MAN1A1: variants seen among roughly 807,000 people sequenced by gnomAD.
The protein encoded by MAN1A1 is mannosidase alpha class 1A member 1.
In MAN1A1, 29 loss-of-function variants were observed where a neutral mutation model predicts 70.8. The observed-to-expected ratio is 0.41, with a 90% CI of 0.31 to 0.56. The LOEUF is 0.56. Among genes scored for constraint, MAN1A1 ranks in the 20% least tolerant of loss-of-function variants. The probability of loss-of-function intolerance (pLI) is 0.29; values close to 1 mark genes in which losing one functional copy is unlikely to be tolerated. For synonymous variants in MAN1A1, 349 were observed against 330.1 expected (o/e 1.06, Z -0.62); for missense variants, 747 against 841.3 (o/e 0.89, Z 1.39).
intron 2 of MAN1A1, among the ~76,000 whole-genome samples, chr6:119,333,412 T>A (rs1209632071): frequency 6.6e-6 from 1 of 152,112 alleles, no homozygotes; most frequent in African/African-American, 2.4e-5. Context: ...TACTGAGTAT[T>A]AAGGTGACTA....
intron 6 of MAN1A1, among the ~76,000 whole-genome samples, chr6:119,217,295 G>T (rs76158833): frequency 0.028 from 4,235 of 152,008 alleles, 90 homozygotes; most frequent in Non-Finnish European, 0.045. Flanking sequence ...GTTTTGTTTT[G>T]TTTTTTAAAT....
At chr6:119,189,949 C>A in intron 9 of MAN1A1, 66 bp from the exon 10 acceptor site, 4 of 1,218,050 alleles carry the variant, frequency 3.3e-6, no homozygotes, top group Admixed American at 4.5e-5. Flanking sequence ...AAAATATGCC[C>A]AACATTAAAA....
chr6:119,280,495 A>T (rs1164258009), intron 5 of MAN1A1, among the ~76,000 whole-genome samples: 1 of 152,224 alleles, frequency 6.6e-6, no homozygotes, highest in Admixed American at 6.5e-5. Context: ...CAGTGCCTCA[A>T]AGCAGGTATT....
In MAN1A1 at chr6:119,349,148, G is replaced by A. The variant is rs1447072280; in HGVS notation, c.-83C>T. 8.0e-7 allele frequency: 1 copy of A among 1,251,604 alleles called. No homozygotes were observed. The highest frequency in any genetic ancestry group is 1.0e-6 in the Non-Finnish European group (1 of 1,000,570). 77.5% of individuals were successfully genotyped at this position (1,251,604 alleles called of 1,614,324 possible). A position where few individuals can be genotyped will look rare whatever the true frequency, so the allele number is the denominator to read the frequency against. On this transcript the variant is annotated 5_prime_UTR_variant, in exon 2 of 13. Transcript: ENST00000368468. ...GCTGGGAGTCCGCGGCTGCGGGGCTGGGTCCTGCGTAGCCAGGCCGCCCGA... is the reference window on the plus strand; with the variant it reads ...GCTGGGAGTCCGCGGCTGCGGGGCTAGGTCCTGCGTAGCCAGGCCGCCCGA...
intron 5 of MAN1A1, among the ~76,000 whole-genome samples, chr6:119,276,523 AGG>A (rs1346897762): frequency 6.6e-6 from 1 of 152,202 alleles, no homozygotes. Context: ...CTAGTCATTC[AGG>A]GCTCAATTCT....
At chr6:119,196,771 C>A (rs1259891298) in intron 8 of MAN1A1, among the ~76,000 whole-genome samples, 1 of 152,118 alleles carries the variant, frequency 6.6e-6, no homozygotes, top group African/African-American at 2.4e-5. Flanking sequence ...CTCTTTGAAA[C>A]AATCCCCCAA....
At chr6:119,224,712 G>T (rs1774457229) in intron 6 of MAN1A1, among the ~76,000 whole-genome samples, 1 of 152,164 alleles carries the variant, frequency 6.6e-6, no homozygotes, top group South Asian at 2.1e-4. Context: ...CTCTGAGTGG[G>T]TCTAGATGCT....
At chr6:119,344,203 T>G (rs1773667969) in intron 2 of MAN1A1, among the ~76,000 whole-genome samples, 1 of 152,226 alleles carries the variant, frequency 6.6e-6, no homozygotes, top group African/African-American at 2.4e-5. Flanking sequence ...TTTAACTAGT[T>G]TCTAAGTCCC....
rs1773117235 is a variant in MAN1A1 at position 119,180,356 on chromosome 6, A to T, written c.1791T>A (p.Ser597Arg). ...GLRDVYLLHE[S>R]YDDVQQSFFL... ...AGAAACTCTGCTGCACATCATCATA[A>T]CTCTCATGAAGAAGGTAAACATCCC... The change falls in exon 12 of 13, where the codon AGT (serine) becomes AGA (arginine). Residue 597 changes from serine (S) to arginine (R), a missense_variant. By Grantham distance (110) the Ser-to-Arg change is moderately radical (BLOSUM62 -1). Coordinates refer to ENST00000368468, the MANE Select transcript of MAN1A1 (RefSeq NM_005907.4). The T allele has an allele frequency of 6.2e-7, 1 of 1,613,782 alleles. No individual in the cohort carries two copies. The highest frequency in any genetic ancestry group is 8.5e-7 in the Non-Finnish European group (1 of 1,179,882).
intron 2 of MAN1A1, among the ~76,000 whole-genome samples, chr6:119,322,188 A>T (rs1463035562): frequency 6.6e-6 from 1 of 152,206 alleles, no homozygotes; most frequent in East Asian, 1.9e-4. Flanking sequence ...ACCCACAGCT[A>T]CATGGCCTAT....
At chr6:119,217,784 T>G (rs1380491501) in intron 6 of MAN1A1, among the ~76,000 whole-genome samples, 1 of 152,172 alleles carries the variant, frequency 6.6e-6, no homozygotes, top group African/African-American at 2.4e-5. Context: ...GCCTCCAACC[T>G]GCCAATCCTA....
At chr6:119,302,571 G>A (rs1172257598) in intron 3 of MAN1A1, among the ~76,000 whole-genome samples, 1 of 151,760 alleles carries the variant, frequency 6.6e-6, no homozygotes. Context: ...TAGTAGAGAC[G>A]GGGTTTCACC....
intron 2 of MAN1A1, among the ~76,000 whole-genome samples, chr6:119,347,853 A>C (rs1444197504): frequency 6.6e-6 from 1 of 152,254 alleles, no homozygotes; most frequent in East Asian, 1.9e-4. Context: ...ATCACATGGA[A>C]TACCCTATTT....
chr6:119,278,631 T>C (rs934208334), intron 5 of MAN1A1, among the ~76,000 whole-genome samples: 3 of 152,124 alleles, frequency 2.0e-5, no homozygotes, highest in Non-Finnish European at 4.4e-5. Flanking sequence ...TAGATATCTG[T>C]CCCCTCAAAA....
intron 6 of MAN1A1, among the ~76,000 whole-genome samples, chr6:119,241,960 G>GTA (rs1225136436): frequency 0.09 from 1,360 of 15,174 alleles, 15 homozygotes; most frequent in African/African-American, 0.3. Context: ...GTGTGTGTGT[G>GTA]TGTGTGTGTG....
chr6:119,348,205 C>T (rs1222918437), intron 2 of MAN1A1, among the ~76,000 whole-genome samples: 2 of 152,218 alleles, frequency 1.3e-5, no homozygotes, highest in Non-Finnish European at 2.9e-5. Context: ...TTATACCCAC[C>T]TCGTGTGGCT....
At chr6:119,314,117 A>G (rs1389519346) in intron 2 of MAN1A1, among the ~76,000 whole-genome samples, 1 of 152,164 alleles carries the variant, frequency 6.6e-6, no homozygotes, top group Non-Finnish European at 1.5e-5. Flanking sequence ...CCTGGTTCCC[A>G]TAGCTCTGTG....
chr6:119,189,977 A>C, intron 9 of MAN1A1, 94 bp from the exon 10 acceptor site: 1 of 944,378 alleles, frequency 1.1e-6, no homozygotes, highest in South Asian at 1.7e-5. Flanking sequence ...AATAGAATAC[A>C]CCTGACAATC....
chr6:119,225,122 C>T (rs1774470492), intron 6 of MAN1A1, among the ~76,000 whole-genome samples: 1 of 151,496 alleles, frequency 6.6e-6, no homozygotes, highest in African/African-American at 2.4e-5. Flanking sequence ...CCAGCCTGGG[C>T]AACAGAGCGA....
Sources: allele counts gnomAD v4.1 joint callset (sites outside exome capture counted in the v4.1 genomes callset), GRCh38; gene constraint gnomAD v4.1.1; transcripts MANE v1.5; gene names NCBI Gene and HGNC (gene_info 2026-07-23, HGNC 2026-07-21).